Variants in ELMO1 observed in about 807,000 individuals in gnomAD.
The protein encoded by ELMO1 is engulfment and cell motility 1, also known as engulfment and cell motility protein 1.
ELMO1 carries 26 observed loss-of-function variants against 98.9 expected under a neutral mutation model. The ratio of observed to expected loss-of-function variants is 0.26; its 90% CI spans 0.19 to 0.36. The LOEUF (loss-of-function observed/expected upper bound fraction) is 0.36, where lower values mean the gene tolerates loss of function less well. Ranked by LOEUF, ELMO1 falls within the 10% of genes least tolerant of loss-of-function variation. The pLI is 1.00. For missense variants in ELMO1, 627 were observed against 935.2 expected (o/e 0.67, Z 4.30); for synonymous variants, 346 against 346.0 (o/e 1.00, Z 0.00).
chr7:37,291,199 C>T (rs1360098758), intron 4 of ELMO1, among the ~76,000 whole-genome samples: 1 of 152,052 alleles, frequency 6.6e-6, no homozygotes, highest in Non-Finnish European at 1.5e-5. Flanking sequence ...CATATAATAC[C>T]CCCTACACAC....
rs771460109 is a variant in ELMO1, at chr7:37,213,328, C to T, written c.954+7G>A. On this transcript the variant is annotated splice_region_variant and intron_variant, in intron 12 of 21. Transcript: ENST00000310758. ...TGTGCTTTGACTGCTGTCCAATGAG[C>T]ACTCACCTGGTCCTGGGGGTCCATT... The T allele has an allele frequency of 1.0e-4, 168 of 1,612,428 alleles. No homozygotes were observed. The highest frequency in any genetic ancestry group is 1.3e-4 in the Non-Finnish European group (159 of 1,179,432).
At chr7:37,061,052 T>C (rs1216131448) in intron 15 of ELMO1, among the ~76,000 whole-genome samples, 4 of 152,244 alleles carry the variant, frequency 2.6e-5, no homozygotes, top group Admixed American at 2.6e-4. Context: ...ATGATACCTG[T>C]CACAACCTTA....
intron 16 of ELMO1, among the ~76,000 whole-genome samples, chr7:36,988,043 C>T (rs371655975): frequency 6.6e-6 from 1 of 152,200 alleles, no homozygotes; most frequent in Non-Finnish European, 1.5e-5. Context: ...CAGGCGGGAG[C>T]CACGACGCCT....
chr7:37,340,333 T>C (rs961776405), intron 2 of ELMO1, among the ~76,000 whole-genome samples: 1 of 152,274 alleles, frequency 6.6e-6, no homozygotes, highest in African/African-American at 2.4e-5. Flanking sequence ...CATCAAATGG[T>C]TCAGAAAAAG....
chr7:36,933,100 T>G (rs1786188174), intron 16 of ELMO1, among the ~76,000 whole-genome samples: 1 of 152,184 alleles, frequency 6.6e-6, no homozygotes, highest in Non-Finnish European at 1.5e-5. Context: ...TTTGGCCCAG[T>G]TAACTTCTGC....
At position 37,126,300 on chromosome 7, in the gene ELMO1, AATATATATATAT is replaced by A. The variant is rs201860679; in HGVS notation, c.1191+6818_1191+6829del. 6.0e-4 allele frequency among the ~76,000 whole-genome samples: 81 copies of A among 134,118 alleles called. 1 individual carries two copies. In the South Asian group the frequency reaches 6.4e-3, roughly 11 times the overall value. 88.0% of individuals were successfully genotyped at this position (134,118 alleles called of 152,430 possible). ...ACCCTAGAACTTAAAGTATAATTTA[AATATATATATAT>A]ATATATATATATATATAAAAGAAAA... On this transcript the variant is annotated intron_variant, in intron 14 of 21. Coordinates refer to ENST00000310758, the MANE Select transcript of ELMO1 (RefSeq NM_014800.11).
At chr7:36,899,682 A>ATTTTTTTTTTTTTTT (rs1178774148) in intron 16 of ELMO1, among the ~76,000 whole-genome samples, 13 of 5,378 alleles carry the variant, frequency 2.4e-3, no homozygotes, top group South Asian at 0.016. Flanking sequence ...ATCTTTACTC[A>ATTTTTTTTTTTTTTT]TCTTTTTTTT....
At chr7:37,366,313 T>C (rs1801901663) in intron 1 of ELMO1, among the ~76,000 whole-genome samples, 1 of 152,234 alleles carries the variant, frequency 6.6e-6, no homozygotes, top group African/African-American at 2.4e-5. Context: ...AATCGTTTTA[T>C]ATCAGACTTT....
At chr7:36,866,206 TAG>T (rs1185592654) in intron 20 of ELMO1, among the ~76,000 whole-genome samples, 2 of 152,206 alleles carry the variant, frequency 1.3e-5, no homozygotes, top group East Asian at 3.8e-4. Context: ...TTATAAATTA[TAG>T]AGTTTGAATT....
chr7:37,196,267 G>T (rs554059401), intron 13 of ELMO1, among the ~76,000 whole-genome samples: 4 of 152,322 alleles, frequency 2.6e-5, no homozygotes, highest in Admixed American at 1.3e-4. Flanking sequence ...AGGCTGAGGT[G>T]GGGGAGGACT....
intron 5 of ELMO1, among the ~76,000 whole-genome samples, chr7:37,267,325 C>T (rs926540418): frequency 5.3e-5 from 8 of 152,202 alleles, no homozygotes; most frequent in African/African-American, 1.9e-4. Flanking sequence ...AACAACTGCA[C>T]AGTATTCTAC....
chr7:37,284,651 T>G (rs944044588), intron 4 of ELMO1, among the ~76,000 whole-genome samples: 2 of 152,122 alleles, frequency 1.3e-5, no homozygotes, highest in Non-Finnish European at 2.9e-5. Context: ...GGAGAGTCAA[T>G]AGGATGGTTT....
intron 10 of ELMO1, 108 bp from the exon 11 acceptor site, chr7:37,216,803 A>G: frequency 9.3e-7 from 1 of 1,074,002 alleles, no homozygotes; most frequent in Non-Finnish European, 1.4e-6. Flanking sequence ...GTATATCAGC[A>G]GTATTTCTTA....
At chr7:36,883,443 T>C (rs1037661317) in intron 18 of ELMO1, among the ~76,000 whole-genome samples, 3 of 152,162 alleles carry the variant, frequency 2.0e-5, no homozygotes, top group Non-Finnish European at 2.9e-5. Flanking sequence ...TCATGTGGAA[T>C]TGTAGTCCCC....
chr7:36,897,554 C>T (rs549727818), intron 16 of ELMO1, among the ~76,000 whole-genome samples: 2 of 152,130 alleles, frequency 1.3e-5, no homozygotes, highest in East Asian at 3.9e-4. Context: ...TGAGATTGTC[C>T]AGGGAAAGGG....
At chr7:37,344,868 CT>C (rs1800919213) in intron 1 of ELMO1, among the ~76,000 whole-genome samples, 1 of 152,192 alleles carries the variant, frequency 6.6e-6, no homozygotes, top group Non-Finnish European at 1.5e-5. Context: ...GTTCTCTTGT[CT>C]TTTTTGAGAA....
intron 13 of ELMO1, among the ~76,000 whole-genome samples, chr7:37,175,597 G>A (rs1790455890): frequency 6.6e-6 from 1 of 152,146 alleles, no homozygotes; most frequent in African/African-American, 2.4e-5. Context: ...TGTAATCCTA[G>A]CACTTTGGGA....
At chr7:37,192,000 C>T (rs1256344983) in intron 13 of ELMO1, among the ~76,000 whole-genome samples, 25 of 152,206 alleles carry the variant, frequency 1.6e-4, no homozygotes. Flanking sequence ...GTTAGGAAAT[C>T]AAACATAGAG....
intron 15 of ELMO1, among the ~76,000 whole-genome samples, chr7:37,054,646 TTC>T (rs1294896164): frequency 1.3e-5 from 2 of 152,220 alleles, no homozygotes; most frequent in African/African-American, 2.4e-5. Flanking sequence ...ATTTAAAAAC[TTC>T]TGTTTATTCA....
Sources: allele counts gnomAD v4.1 joint callset (sites outside exome capture counted in the v4.1 genomes callset), GRCh38; gene constraint gnomAD v4.1.1; transcripts MANE v1.5; gene names NCBI Gene and HGNC (gene_info 2026-07-23, HGNC 2026-07-21).